CCDC102B: variants seen among roughly 807,000 people sequenced by gnomAD.
CCDC102B encodes coiled-coil domain-containing protein 102B.
CCDC102B carries 75 observed loss-of-function variants against 57.4 expected under a neutral mutation model. The observed-to-expected ratio is 1.31, with a 90% confidence interval of 1.08 to 1.58. The LOEUF (loss-of-function observed/expected upper bound fraction) is 1.58. Ranked by LOEUF, CCDC102B falls within the 40% of genes most tolerant of loss-of-function variation. The pLI, the probability that CCDC102B is intolerant of heterozygous loss-of-function variation, is 0.00. For missense variants in CCDC102B, 636 were observed against 582.6 expected (o/e 1.09, Z -0.94); for synonymous variants, 206 against 201.9 (o/e 1.02, Z -0.17).
At chr18:68,865,716 A>G (rs1364068914) in intron 4 of CCDC102B, among the ~76,000 whole-genome samples, 1 of 152,184 alleles carries the variant, frequency 6.6e-6, no homozygotes, top group Non-Finnish European at 1.5e-5. Flanking sequence ...ACAGAGAGAT[A>G]TGTTGAAATA....
At chr18:68,811,839 A>T (rs936519837) in intron 1 of CCDC102B, among the ~76,000 whole-genome samples, 1 of 152,152 alleles carries the variant, frequency 6.6e-6, no homozygotes, top group South Asian at 2.1e-4. Flanking sequence ...AGGTAGGGAG[A>T]AAAACTGGAC....
intron 4 of CCDC102B, among the ~76,000 whole-genome samples, chr18:68,861,388 C>T (rs1036543548): frequency 3.3e-5 from 5 of 151,528 alleles, no homozygotes; most frequent in African/African-American, 1.2e-4. Context: ...ATGAATTTTA[C>T]CTTGTTGGGT....
At chr18:68,918,114 A>C (rs1020176537) in intron 6 of CCDC102B, among the ~76,000 whole-genome samples, 3 of 152,214 alleles carry the variant, frequency 2.0e-5, no homozygotes, top group African/African-American at 7.2e-5. Flanking sequence ...AAAGACAATT[A>C]GAAAATTCTT....
intron 3 of CCDC102B, among the ~76,000 whole-genome samples, chr18:68,844,264 C>G (rs1599554061): frequency 6.6e-6 from 1 of 151,604 alleles, no homozygotes; most frequent in East Asian, 1.9e-4. Context: ...GATTTTAACT[C>G]TAGGTATTTT....
At chr18:68,966,096 G>C (rs2050159941) in intron 6 of CCDC102B, among the ~76,000 whole-genome samples, 1 of 152,118 alleles carries the variant, frequency 6.6e-6, no homozygotes. Flanking sequence ...GTTTTATACT[G>C]TTTGATATTC....
chr18:68,786,079 A>G (rs2035198178), intron 2 of CCDC102B, among the ~76,000 whole-genome samples: 1 of 150,418 alleles, frequency 6.6e-6, no homozygotes, highest in Admixed American at 6.6e-5. Flanking sequence ...CATTTATTAA[A>G]CAGGGAATCC....
At chr18:68,880,365 C>T (rs2039647031) in intron 5 of CCDC102B, among the ~76,000 whole-genome samples, 1 of 152,238 alleles carries the variant, frequency 6.6e-6, no homozygotes, top group Admixed American at 6.5e-5. Context: ...CCGGTTCCTG[C>T]TCGTGCCTCT....
At chr18:69,004,365 A>G (rs1262894135) in intron 6 of CCDC102B, among the ~76,000 whole-genome samples, 1 of 152,162 alleles carries the variant, frequency 6.6e-6, no homozygotes, top group Non-Finnish European at 1.5e-5. Context: ...TGGAGCTGGA[A>G]TGGACCTTTG....
chr18:68,761,418 T>C (rs1256750797), intron 2 of CCDC102B, among the ~76,000 whole-genome samples: 1 of 152,070 alleles, frequency 6.6e-6, no homozygotes, highest in Non-Finnish European at 1.5e-5. Context: ...TGTTAACTAG[T>C]ATATTCTGTT....
chr18:69,051,752 G>T (rs928996391), intron 7 of CCDC102B, among the ~76,000 whole-genome samples: 1 of 151,856 alleles, frequency 6.6e-6, no homozygotes, highest in East Asian at 1.9e-4. Flanking sequence ...TTTGACATAT[G>T]ACAGATTTGA....
intron 7 of CCDC102B, among the ~76,000 whole-genome samples, chr18:69,039,276 A>C (rs112500222): frequency 6.6e-6 from 1 of 151,992 alleles, no homozygotes; most frequent in African/African-American, 2.4e-5. Flanking sequence ...TGCTTTTATT[A>C]AATTAACATT....
chr18:68,970,364 A>C (rs529395188), intron 6 of CCDC102B, among the ~76,000 whole-genome samples: 1 of 152,090 alleles, frequency 6.6e-6, no homozygotes, highest in Non-Finnish European at 1.5e-5. Context: ...GTTTTATCCT[A>C]CATAATACTT....
chr18:68,935,637 G>A (rs950476489), intron 6 of CCDC102B, among the ~76,000 whole-genome samples: 9 of 151,924 alleles, frequency 5.9e-5, no homozygotes, highest in Non-Finnish European at 1.2e-4. Context: ...GCTGTGAAAC[G>A]GGAAGAAATA....
chr18:68,984,050 G>T (rs2145302444), intron 6 of CCDC102B, among the ~76,000 whole-genome samples: 1 of 151,792 alleles, frequency 6.6e-6, no homozygotes, highest in East Asian at 1.9e-4. Flanking sequence ...CAACCTTTTT[G>T]ATTTCAAAAG....
intron 6 of CCDC102B, among the ~76,000 whole-genome samples, chr18:68,923,424 C>T (rs1285501800): frequency 1.3e-5 from 2 of 151,724 alleles, no homozygotes; most frequent in African/African-American, 4.8e-5. Context: ...AATTATTTTA[C>T]TGAAATCAAT....
chr18:68,799,888 C>T (rs2035783837), intron 1 of CCDC102B, among the ~76,000 whole-genome samples: 1 of 152,062 alleles, frequency 6.6e-6, no homozygotes, highest in Non-Finnish European at 1.5e-5. Context: ...ATTGATAGAG[C>T]ATCTTAACAT....
chr18:69,054,389 C>A lies in CCDC102B; in HGVS notation c.*252C>A. On this transcript the variant is annotated 3_prime_UTR_variant, in exon 8 of 8. Coordinates refer to ENST00000360242, the MANE Select transcript of CCDC102B (RefSeq NM_024781.3). ...TAAGATGTGTAAATATTTTGAAAGTCAAAAAGGGCTTTCAGAATACTTTTT... is the reference window on the plus strand; with the variant it reads ...TAAGATGTGTAAATATTTTGAAAGTAAAAAAGGGCTTTCAGAATACTTTTT... The A allele has an allele frequency of 8.9e-7, 1 of 1,124,428 alleles. No individual in the cohort carries two copies. Among genetic ancestry groups the A allele is most frequent in the Non-Finnish European group, 1.1e-6 (1 of 920,286 alleles). 69.7% of individuals were successfully genotyped at this position (1,124,428 alleles called of 1,614,324 possible).
intron 1 of CCDC102B, among the ~76,000 whole-genome samples, chr18:68,802,867 C>T (rs528599273): frequency 2.0e-5 from 3 of 152,316 alleles, no homozygotes; most frequent in African/African-American, 7.2e-5. Flanking sequence ...GTCCTCTTAT[C>T]TCTGAAAGGG....
chr18:68,867,231 C>G (rs992307704), intron 4 of CCDC102B, among the ~76,000 whole-genome samples: 2 of 152,182 alleles, frequency 1.3e-5, no homozygotes, highest in East Asian at 3.9e-4. Context: ...ACCTCGTGAT[C>G]CGCCCGTCTC....
Sources: gnomAD v4.1 joint callset for allele counts (sites outside exome capture counted in the v4.1 genomes callset) on GRCh38, gnomAD v4.1.1 for gene constraint, MANE v1.5 for transcripts, NCBI Gene and HGNC (gene_info 2026-07-23, HGNC 2026-07-21) for gene names.